Variants in SH3BGR observed in about 807,000 individuals in gnomAD.
SH3BGR encodes SH3 domain binding glutamate rich protein, also known as SH3 domain-binding glutamic acid-rich protein.
Under a neutral mutation model 24.5 loss-of-function variants are expected in SH3BGR, and 29 were observed. The ratio of observed to expected loss-of-function variants is 1.18; its 90% CI spans 0.88 to 1.61. The LOEUF (loss-of-function observed/expected upper bound fraction) is 1.61. Ranked by LOEUF, SH3BGR falls within the 40% of genes most tolerant of loss-of-function variation. SH3BGR has a pLI of 0.00. For missense variants in SH3BGR, 162 were observed against 205.8 expected (o/e 0.79, Z 1.30); for synonymous variants, 55 against 65.7 (o/e 0.84, Z 0.79).
Position 39,462,533 on chromosome 21 carries a change from G to A in SH3BGR, c.204G>A (p.Gln68=). 1.2e-6 allele frequency: 2 copies of A among 1,600,608 alleles called. No individual in the cohort carries two copies. The highest frequency in any genetic ancestry group is 1.7e-6 in the Non-Finnish European group (2 of 1,176,970). The change falls in exon 2 of 7, where the codon CAG becomes CAA. Residue 68 remains glutamine (Q), a synonymous_variant. Transcript: ENST00000333634. ...AAAATGGGATTCCTTTGCCTCCCCA[G>A]ATCTTCAATGAGGAGCAGTACTGTG... ...KPQNGIPLPP[Q]IFNEEQYCGD...
At chr21:39,469,074 A>G (rs530495157) in intron 2 of SH3BGR, among the ~76,000 whole-genome samples, 5 of 148,616 alleles carry the variant, frequency 3.4e-5, no homozygotes, top group South Asian at 2.1e-4. Flanking sequence ...CAGTGGTGCC[A>G]TCATGGCCCA....
At chr21:39,499,948 G>A in intron 4 of SH3BGR, 33 bp downstream of exon 4, 1 of 1,466,618 alleles carries the variant, frequency 6.8e-7, no homozygotes, top group South Asian at 1.1e-5. Flanking sequence ...CAGTTTGACT[G>A]GATTCTCTGC....
chr21:39,481,720 C>T (rs1225660644), intron 3 of SH3BGR, among the ~76,000 whole-genome samples: 2 of 152,074 alleles, frequency 1.3e-5, no homozygotes, highest in Non-Finnish European at 2.9e-5. Flanking sequence ...GCCTTTTAAA[C>T]TAGAATCTAT....
At chr21:39,475,102 GTAGTTT>G (rs1569158810) in intron 2 of SH3BGR, 27 bp from the exon 3 acceptor site, 2 of 1,340,528 alleles carry the variant, frequency 1.5e-6, no homozygotes, top group Non-Finnish European at 2.1e-6. Flanking sequence ...CAAGTGTGCA[GTAGTTT>G]TAAACTTTCT....
intron 2 of SH3BGR, among the ~76,000 whole-genome samples, chr21:39,474,142 A>AT (rs995625516): frequency 6.6e-6 from 1 of 151,850 alleles, no homozygotes; most frequent in Admixed American, 6.6e-5. Context: ...TAATTTTTGT[A>AT]TTTTTTGTAG....
intron 3 of SH3BGR, among the ~76,000 whole-genome samples, chr21:39,479,226 G>GTGGTGGTGGTGA (rs1555912271): frequency 1.5e-5 from 2 of 134,478 alleles, no homozygotes; most frequent in African/African-American, 6.1e-5. Flanking sequence ...GGTGGTAAGG[G>GTGGTGGTGGTGA]TGGTGGTGGT....
chr21:39,500,037 T>C, intron 4 of SH3BGR, 122 bp downstream of exon 4: 1 of 708,814 alleles, frequency 1.4e-6, no homozygotes, highest in South Asian at 1.7e-5. Context: ...GCTGAGAGTT[T>C]AGCCAGGGAG....
chr21:39,489,896 A>C (rs970126105), intron 3 of SH3BGR, among the ~76,000 whole-genome samples: 2 of 152,220 alleles, frequency 1.3e-5, no homozygotes, highest in African/African-American at 4.8e-5. Context: ...TCTTGGAAAG[A>C]TCTAGGAGTT....
chr21:39,458,557 CAA>C (rs1188693079), intron 1 of SH3BGR, among the ~76,000 whole-genome samples: 1 of 151,554 alleles, frequency 6.6e-6, no homozygotes, highest in African/African-American at 2.4e-5. Flanking sequence ...AGGCTGGTCT[CAA>C]ACTCCTGACC....
At chr21:39,446,145 T>C (rs1169607848) in intron 1 of SH3BGR, 4 of 150,114 alleles carry the variant, frequency 2.7e-5, no homozygotes, top group Non-Finnish European at 5.9e-5. Flanking sequence ...AGTTCCCCTA[T>C]TAACCCCTTG....
At chr21:39,509,864 C>G (rs1041689980) in intron 5 of SH3BGR, among the ~76,000 whole-genome samples, 1 of 152,028 alleles carries the variant, frequency 6.6e-6, no homozygotes, top group Non-Finnish European at 1.5e-5. Context: ...CGTGTATTGT[C>G]TAGATGTTTC....
At chr21:39,481,860 A>T (rs889257400) in intron 3 of SH3BGR, among the ~76,000 whole-genome samples, 1 of 152,238 alleles carries the variant, frequency 6.6e-6, no homozygotes, top group Admixed American at 6.5e-5. Context: ...TAATGAATAG[A>T]TAATAAAACT....
At chr21:39,473,351 A>C (rs886572900) in intron 2 of SH3BGR, among the ~76,000 whole-genome samples, 2 of 152,212 alleles carry the variant, frequency 1.3e-5, no homozygotes, top group African/African-American at 4.8e-5. Context: ...TCACCAACTT[A>C]CTGCTACTAC....
rs150744228 is a variant in SH3BGR at position 39,452,045 on chromosome 21, C to T, written c.-52C>T. On this transcript the variant is annotated 5_prime_UTR_variant, in exon 1 of 7. Coordinates refer to ENST00000333634, the MANE Select transcript of SH3BGR (RefSeq NM_007341.3). ...GTCACTGTCAGGATTTGTCTAGCGG[C>T]GCATTCCCTGACAGGGGTGTGTTGG... is the stretch of plus-strand genomic sequence containing the variant. 1,343 of 1,614,118 alleles carry T rather than the reference C, an allele frequency of 8.3e-4. 8 individuals are homozygous for T. The African/African-American group carries it at 0.014, about 17-fold the overall frequency.
intron 5 of SH3BGR, among the ~76,000 whole-genome samples, chr21:39,510,164 G>C (rs11701208): frequency 2.3e-5 from 3 of 131,950 alleles, no homozygotes; most frequent in Non-Finnish European, 4.7e-5. Flanking sequence ...AGATGGTCTC[G>C]ATCTCCTGAC....
At chr21:39,479,403 TGGTGATGGTGGTAGTGGTGGTGAGGTG>T (rs2078093054) in intron 3 of SH3BGR, among the ~76,000 whole-genome samples, 1 of 149,648 alleles carries the variant, frequency 6.7e-6, no homozygotes, top group Non-Finnish European at 1.5e-5. Flanking sequence ...ACAGTGATGG[TGGTGATGGTGGTAGTGGTGGTGAGGTG>T]GGTGATGGTG....
intron 3 of SH3BGR, among the ~76,000 whole-genome samples, chr21:39,483,258 A>G (rs1189648990): frequency 6.6e-6 from 1 of 152,248 alleles, no homozygotes; most frequent in African/African-American, 2.4e-5. Flanking sequence ...TCCAGTGTGC[A>G]GAGTGTCCAG....
At position 39,488,868 on chromosome 21, in the gene SH3BGR, G is replaced by C. The variant is rs541132040; in HGVS notation, c.313-10955G>C. On this transcript the variant is annotated intron_variant, in intron 3 of 6. Coordinates refer to ENST00000333634, the MANE Select transcript of SH3BGR (RefSeq NM_007341.3). ...AGACACTGTGTATCTAGCCCCGAAGGCTTTCTGGTCACAGCACCCTTCCCA... is the reference window on the plus strand; with the variant it reads ...AGACACTGTGTATCTAGCCCCGAAGCCTTTCTGGTCACAGCACCCTTCCCA... The C allele has an allele frequency of 9.8e-4, 157 of 160,100 alleles. 2 individuals carry two copies. The highest frequency in any genetic ancestry group is 3.6e-3 in the African/African-American group (152 of 41,716). The allele number at this position is 160,100 out of a possible 1,614,324, so 9.9% of individuals were successfully genotyped here.
intron 4 of SH3BGR, among the ~76,000 whole-genome samples, chr21:39,504,874 C>G (rs529527850): frequency 1.6e-4 from 25 of 152,212 alleles, no homozygotes; most frequent in Non-Finnish European, 4.4e-5. Context: ...CATTCTGTCA[C>G]CCAGGCTGGA....
Sources: allele counts gnomAD v4.1 joint callset (sites outside exome capture counted in the v4.1 genomes callset), GRCh38; gene constraint gnomAD v4.1.1; transcripts MANE v1.5; gene names NCBI Gene and HGNC (gene_info 2026-07-23, HGNC 2026-07-21).